NCKAP5: variants seen among roughly 807,000 people sequenced by gnomAD.
The protein encoded by NCKAP5 is NCK associated protein 5, also known as nck-associated protein 5.
In NCKAP5, 92 loss-of-function variants were observed where a neutral mutation model predicts 167.0. The ratio of observed to expected loss-of-function variants is 0.55; its 90% CI spans 0.47 to 0.66. The LOEUF is 0.66. NCKAP5 is among the 30% of genes least tolerant of loss of function. The pLI, the probability that NCKAP5 is intolerant of heterozygous loss-of-function variation, is 0.00. For synonymous variants in NCKAP5, 891 were observed against 877.4 expected (o/e 1.02, Z -0.27); for missense variants, 2,378 against 2,315.0 (o/e 1.03, Z -0.56).
the NCKAP5 span, among the ~76,000 whole-genome samples, chr2:133,614,897 G>A: frequency 2.0e-5 from 3 of 152,208 alleles, no homozygotes; most frequent in Admixed American, 1.3e-4. Context: ...GGCAGCCAGA[G>A]AGAAAGGTCG....
At chr2:132,854,257 T>C (rs554613474) in intron 11 of NCKAP5, among the ~76,000 whole-genome samples, 2 of 152,204 alleles carry the variant, frequency 1.3e-5, no homozygotes, top group Non-Finnish European at 2.9e-5. Flanking sequence ...TCATGATGCA[T>C]GGACTGGTAA....
intron 3 of NCKAP5, among the ~76,000 whole-genome samples, chr2:133,368,962 A>G (rs1685623191): frequency 6.6e-6 from 1 of 152,184 alleles, no homozygotes; most frequent in Non-Finnish European, 1.5e-5. Context: ...GTCAGGAAGG[A>G]TATTTGTTTC....
chr2:133,424,882 A>G (rs143146604), intron 3 of NCKAP5, among the ~76,000 whole-genome samples: 1,598 of 152,340 alleles, frequency 0.01, 11 homozygotes, highest in Middle Eastern at 0.02. Flanking sequence ...AACACTTGAT[A>G]CAGTCATAAA....
At chr2:132,978,204 T>C (rs892136205) in intron 7 of NCKAP5, among the ~76,000 whole-genome samples, 10 of 152,232 alleles carry the variant, frequency 6.6e-5, no homozygotes, top group Admixed American at 3.9e-4. Context: ...AAAATCTCTG[T>C]GTTTAAAGAA....
At chr2:132,944,245 T>C (rs75442643) in intron 8 of NCKAP5, among the ~76,000 whole-genome samples, 6,931 of 152,230 alleles carry the variant, frequency 0.046, 495 homozygotes, top group African/African-American at 0.16. Flanking sequence ...TTGTTCTACA[T>C]GGCCTTAGGA....
At chr2:132,865,281 C>T (rs1351680038) in intron 10 of NCKAP5, among the ~76,000 whole-genome samples, 1 of 152,104 alleles carries the variant, frequency 6.6e-6, no homozygotes, top group African/African-American at 2.4e-5. Flanking sequence ...AAAATACATA[C>T]TGCAAGTCTC....
At chr2:133,074,762 A>G (rs552805509) in intron 6 of NCKAP5, among the ~76,000 whole-genome samples, 2 of 152,326 alleles carry the variant, frequency 1.3e-5, no homozygotes, top group South Asian at 4.1e-4. Context: ...AGGAATCAAT[A>G]AACTTAAAGA....
At chr2:133,475,609 T>A (rs573103874) in intron 3 of NCKAP5, among the ~76,000 whole-genome samples, 2 of 152,336 alleles carry the variant, frequency 1.3e-5, no homozygotes, top group Non-Finnish European at 2.9e-5. Flanking sequence ...TCTTATTCCA[T>A]ACATCTTAAC....
At chr2:133,144,510 C>T (rs1228342339) in intron 5 of NCKAP5, among the ~76,000 whole-genome samples, 1 of 152,094 alleles carries the variant, frequency 6.6e-6, no homozygotes, top group East Asian at 1.9e-4. Flanking sequence ...GAACTGTCTT[C>T]TTACTGTTAA....
At chr2:133,524,926 TCATGTGTGTATGAG>T (rs1684744727) in intron 2 of NCKAP5, among the ~76,000 whole-genome samples, 1 of 152,082 alleles carries the variant, frequency 6.6e-6, no homozygotes, top group African/African-American at 2.4e-5. Flanking sequence ...GCATGTGTGT[TCATGTGTGTATGAG>T]CATGTGTGTA....
At chr2:133,052,676 C>T (rs908856077) in intron 6 of NCKAP5, among the ~76,000 whole-genome samples, 2 of 151,448 alleles carry the variant, frequency 1.3e-5, no homozygotes, top group Admixed American at 1.3e-4. Context: ...TGAGATTGTG[C>T]CACTGCACTC....
chr2:132,829,772 C>T (rs915400589), intron 11 of NCKAP5, among the ~76,000 whole-genome samples: 2 of 152,012 alleles, frequency 1.3e-5, no homozygotes, highest in Non-Finnish European at 2.9e-5. Flanking sequence ...TAAAAGGTTC[C>T]CAGGTGATGC....
chr2:132,847,570 G>A (rs941917611), intron 11 of NCKAP5, among the ~76,000 whole-genome samples: 8 of 152,078 alleles, frequency 5.3e-5, no homozygotes, highest in African/African-American at 1.4e-4. Context: ...GCATTAGTAC[G>A]CCAAATCCCA....
At chr2:132,983,730 T>C (rs2077205998) in intron 7 of NCKAP5, among the ~76,000 whole-genome samples, 1 of 152,154 alleles carries the variant, frequency 6.6e-6, no homozygotes, top group African/African-American at 2.4e-5. Flanking sequence ...GCAACTTCAA[T>C]AGACTTCTCT....
At chr2:132,967,222 C>T (rs979629854) in intron 7 of NCKAP5, among the ~76,000 whole-genome samples, 1 of 151,752 alleles carries the variant, frequency 6.6e-6, no homozygotes, top group Non-Finnish European at 1.5e-5. Context: ...CATACACACA[C>T]TCTTAAAGTA....
At chr2:133,151,341 C>G (rs1270455669) in intron 5 of NCKAP5, among the ~76,000 whole-genome samples, 3 of 151,440 alleles carry the variant, frequency 2.0e-5, no homozygotes, top group African/African-American at 4.9e-5. Context: ...GTGAAAAATA[C>G]TGTTAAGAGA....
intron 3 of NCKAP5, among the ~76,000 whole-genome samples, chr2:133,366,076 G>A (rs1215854585): frequency 6.6e-6 from 1 of 152,168 alleles, no homozygotes; most frequent in Non-Finnish European, 1.5e-5. Context: ...TTGATGGTTT[G>A]TCTTAAAAAG....
intron 11 of NCKAP5, among the ~76,000 whole-genome samples, chr2:132,845,900 C>G (rs182431209): frequency 7.2e-5 from 11 of 152,276 alleles, no homozygotes; most frequent in African/African-American, 2.4e-4. Context: ...ATTGACTTTT[C>G]TCATCTCGTG....
the NCKAP5 span, among the ~76,000 whole-genome samples, chr2:133,644,629 C>G: frequency 6.6e-6 from 1 of 152,146 alleles, no homozygotes; most frequent in Non-Finnish European, 1.5e-5. Flanking sequence ...TATTTATAAA[C>G]AGTGCCAGGT....
Sources: gnomAD v4.1 joint callset for allele counts (sites outside exome capture counted in the v4.1 genomes callset) on GRCh38, gnomAD v4.1.1 for gene constraint, MANE v1.5 for transcripts, NCBI Gene and HGNC (gene_info 2026-07-23, HGNC 2026-07-21) for gene names.